POTEM: variants seen among roughly 807,000 people sequenced by gnomAD.
POTEM encodes putative POTE ankyrin domain family member M.
For synonymous variants in POTEM, 8 were observed against 113.2 expected, an observed-to-expected ratio of 0.07 and a Z score of 5.90; for missense variants, 24 against 343.0, an observed-to-expected ratio of 0.07 and a Z score of 7.35.
At position 19,002,690 on chromosome 14, in the gene POTEM, T is replaced by A. The variant is rs1305549688; in HGVS notation, c.*4025T>A. On this transcript the variant is annotated 3_prime_UTR_variant, in exon 11 of 11. Coordinates refer to ENST00000547889, the MANE Select transcript of POTEM (RefSeq NM_001145442.1). ...GCACTCTCAGATGCCCATACCATAG[T>A]TTCTGTGCTAGTGGACCGTACCATA... Among the ~76,000 whole-genome samples, 4 of 152,280 alleles carry A rather than the reference T, an allele frequency of 2.6e-5. No individual in the cohort carries two copies. The South Asian group carries it at 8.3e-4, about 32-fold the overall frequency.
intron 9 of POTEM, among the ~76,000 whole-genome samples, chr14:18,991,037 C>A (rs1255658446): frequency 1.0e-5 from 1 of 96,590 alleles, no homozygotes; most frequent in Admixed American, 1.2e-4. Flanking sequence ...GTGTGTGACA[C>A]CATACCTGGC....
rs1890790196 is a variant in POTEM, at chr14:18,967,730, CTT to C, written c.246_247del (p.Ser83TrpfsTer68). On this transcript the variant is annotated frameshift_variant, in exon 1 of 11. Transcript: ENST00000547889. LOFTEE classifies it high-confidence loss of function. ...GGGAGCGGCAAGAGCAACGTGGGCACTTCTGGAGACCACGACGACTCTGCTAT... is the reference window on the plus strand; with the variant it reads ...GGGAGCGGCAAGAGCAACGTGGGCACCTGGAGACCACGACGACTCTGCTAT... 6.2e-7 allele frequency: 1 copy of C among 1,610,676 alleles called. No individual in the cohort carries two copies. Among genetic ancestry groups the C allele is most frequent in the African/African-American group, 1.4e-5 (1 of 73,820 alleles).
At chr14:18,968,887 A>G (rs1399532977) in intron 1 of POTEM, among the ~76,000 whole-genome samples, 4 of 149,248 alleles carry the variant, frequency 2.7e-5, no homozygotes, top group African/African-American at 9.8e-5. Context: ...TAAAAATAGC[A>G]GTTTTAGAGT....
intron 1 of POTEM, among the ~76,000 whole-genome samples, chr14:18,968,740 G>A (rs1419959745): frequency 5.3e-5 from 8 of 152,258 alleles, no homozygotes; most frequent in African/African-American, 1.7e-4. Flanking sequence ...GGAGAATGGC[G>A]TGAACCCGGG....
At chr14:18,995,774 ATTTG>A (rs1447413148) in intron 9 of POTEM, among the ~76,000 whole-genome samples, 1 of 63,100 alleles carries the variant, frequency 1.6e-5, no homozygotes, top group East Asian at 3.6e-4. Flanking sequence ...ATGTATTTTC[ATTTG>A]TTTGTGTCAT....
intron 6 of POTEM, among the ~76,000 whole-genome samples, chr14:18,981,805 C>T (rs1457298963): frequency 6.6e-6 from 1 of 151,950 alleles, no homozygotes; most frequent in African/African-American, 2.4e-5. Context: ...TTAGCTAAGG[C>T]AAGTTCATGA....
intron 9 of POTEM, among the ~76,000 whole-genome samples, chr14:18,990,888 CAT>C (rs1891234830): frequency 2.7e-5 from 1 of 36,924 alleles, no homozygotes. Flanking sequence ...TTTCTCATGA[CAT>C]TTTTTTTTTT....
Position 18,999,454 on chromosome 14 carries a change from G to A in POTEM, c.*789G>A, listed in dbSNP as rs1281598639. Among the ~76,000 whole-genome samples, 7 of 107,220 alleles carry A rather than the reference G, an allele frequency of 6.5e-5. 1 individual carries two copies. The highest frequency in any genetic ancestry group is 1.9e-4 in the Admixed American group (2 of 10,478). The allele number at this position is 107,220 out of a possible 152,430, so 70.3% of individuals were successfully genotyped here. Reference sequence around the variant, plus strand: ...TACCTCATGAAGATCCTCACCGAGCGTGGCTATAGTTTCACCACCATGGCC... The same window carrying A: ...TACCTCATGAAGATCCTCACCGAGCATGGCTATAGTTTCACCACCATGGCC... On this transcript the variant is annotated 3_prime_UTR_variant, in exon 11 of 11. Coordinates refer to ENST00000547889, the MANE Select transcript of POTEM (RefSeq NM_001145442.1).
rs1473915232 is a variant in POTEM, at chr14:19,002,713, A to G, written c.*4048A>G. On this transcript the variant is annotated 3_prime_UTR_variant, in exon 11 of 11. Transcript: ENST00000547889. ...AGTTTCTGTGCTAGTGGACCGTACC[A>G]TATCAGTGGAGAGCTGCAGCAAGGT... Among the ~76,000 whole-genome samples, 3 of 152,342 alleles carry G rather than the reference A, an allele frequency of 2.0e-5. No homozygotes were observed. The highest frequency in any genetic ancestry group is 2.1e-4 in the South Asian group (1 of 4,820).
chr14:18,980,637 T>C, intron 6 of POTEM: 2 of 94,274 alleles, frequency 2.1e-5, no homozygotes. Flanking sequence ...CCTCCTCCTG[T>C]GTGGTGTGGT....
intron 1 of POTEM, among the ~76,000 whole-genome samples, chr14:18,969,349 A>G (rs1890851421): frequency 2.0e-5 from 2 of 101,990 alleles, no homozygotes; most frequent in South Asian, 3.0e-4. Flanking sequence ...ATACATATAT[A>G]TACATGTGTA....
chr14:18,986,344 A>C (rs1173647837), intron 7 of POTEM, among the ~76,000 whole-genome samples: 1 of 141,528 alleles, frequency 7.1e-6, no homozygotes, highest in Admixed American at 6.9e-5. Flanking sequence ...TTAAAGATAT[A>C]TTCTGCCTTG....
In POTEM at chr14:19,000,582, T is replaced by TA. The variant is rs1422605435; in HGVS notation, c.*1925dup. Among the ~76,000 whole-genome samples, 2 of 84,480 alleles carry TA rather than the reference T, an allele frequency of 2.4e-5. No individual in the cohort carries two copies. Among genetic ancestry groups the TA allele is most frequent in the African/African-American group, 1.3e-4 (2 of 15,236 alleles). 55.4% of individuals were successfully genotyped at this position (84,480 alleles called of 152,430 possible). ...GAGAGTTGGAAAAAAGTGCACACCT[T>TA]AAAAAAAATTCAATGAGGAAGCATT... On this transcript the variant is annotated 3_prime_UTR_variant, in exon 11 of 11. Transcript: ENST00000547889.
In POTEM at chr14:18,986,549, C is replaced by T. The variant is rs1253264746; in HGVS notation, c.1198-620C>T. ...AAATTTTTATCTACTGTCATTAGTA[C>T]ATATTAGAATATATTAGAACTGGAC... On this transcript the variant is annotated intron_variant, in intron 7 of 10. Coordinates refer to ENST00000547889, the MANE Select transcript of POTEM (RefSeq NM_001145442.1). 2.0e-4 allele frequency among the ~76,000 whole-genome samples: 28 copies of T among 139,302 alleles called. No individual in the cohort carries two copies. In the East Asian group the frequency reaches 4.1e-3, roughly 20 times the overall value. 91.4% of individuals were successfully genotyped at this position (139,302 alleles called of 152,430 possible).
intron 9 of POTEM, among the ~76,000 whole-genome samples, chr14:18,991,102 T>C (rs1038595939): frequency 2.4e-5 from 3 of 126,666 alleles, no homozygotes; most frequent in African/African-American, 8.1e-5. Context: ...CAGGCTGGTC[T>C]CAAACTCCTG....
chr14:18,969,305 A>G (rs1348158024), intron 1 of POTEM, among the ~76,000 whole-genome samples: 2 of 59,426 alleles, frequency 3.4e-5, no homozygotes, highest in Admixed American at 1.3e-4. Context: ...ATATGTATAT[A>G]CGTATATATA....
intron 1 of POTEM, among the ~76,000 whole-genome samples, chr14:18,969,131 A>C (rs1291427875): frequency 7.1e-6 from 1 of 140,420 alleles, no homozygotes; most frequent in African/African-American, 2.8e-5. Context: ...ATTATTTAAA[A>C]AAGATGGATT....
chr14:18,969,550 T>TG (rs1890862498), intron 1 of POTEM, among the ~76,000 whole-genome samples: 1 of 57,624 alleles, frequency 1.7e-5, no homozygotes, highest in South Asian at 7.4e-4. Flanking sequence ...CCTGGCTAAT[T>TG]GTTTTGTATT....
chr14:18,991,121 T>G (rs1891240670), intron 9 of POTEM, among the ~76,000 whole-genome samples: 1 of 128,522 alleles, frequency 7.8e-6, no homozygotes, highest in Non-Finnish European at 1.8e-5. Flanking sequence ...TGATGTCAGG[T>G]GATCTGCCTG....
Sources: allele counts gnomAD v4.1 joint callset (sites outside exome capture counted in the v4.1 genomes callset), GRCh38; gene constraint gnomAD v4.1.1; transcripts MANE v1.5; gene names NCBI Gene and HGNC (gene_info 2026-07-23, HGNC 2026-07-21).